Variants in DIAPH2 observed in about 807,000 individuals in gnomAD.
The protein encoded by DIAPH2 is protein diaphanous homolog 2.
DIAPH2 carries 35 observed loss-of-function variants against 92.7 expected under a neutral mutation model. The ratio of observed to expected loss-of-function variants is 0.38; its 90% CI spans 0.29 to 0.50. The LOEUF is 0.50. DIAPH2 is among the 20% of genes least tolerant of loss of function. The pLI, the probability that DIAPH2 is intolerant of heterozygous loss-of-function variation, is 0.94. For synonymous variants in DIAPH2, 301 were observed against 280.4 expected, an observed-to-expected ratio of 1.07 and a Z score of -0.73; for missense variants, 701 against 819.5, an observed-to-expected ratio of 0.86 and a Z score of 1.77.
chrX:97,465,875 A>G (rs2147806010), intron 26 of DIAPH2, among the ~76,000 whole-genome samples: 1 of 111,478 alleles, frequency 9.0e-6, no homozygotes, highest in African/African-American at 3.3e-5. Flanking sequence ...TTTAGTAGAT[A>G]TGGGGTTTCA....
At chrX:97,558,877 CAGTT>C (rs758604416) in intron 26 of DIAPH2, among the ~76,000 whole-genome samples, 24 of 111,671 alleles carry the variant, frequency 2.1e-4, no homozygotes, top group South Asian at 1.9e-3. Flanking sequence ...TATCTGTACA[CAGTT>C]AGTTAGGAAT....
chrX:97,342,114 T>A lies in DIAPH2; in HGVS notation c.2845-6002T>A, dbSNP rs779788141. Among the ~76,000 whole-genome samples the A allele has an allele frequency of 4.8e-4, 54 of 112,541 alleles. 1 individual carries two copies. The highest frequency in any genetic ancestry group is 4.4e-3 in the Admixed American group (47 of 10,575). ...AATATGATTGAAGCCAACCTTGTTA[T>A]TAAAATGTATTTAAGATGTTCAGAT... On this transcript the variant is annotated intron_variant, in intron 23 of 26. Transcript: ENST00000324765.
intron 26 of DIAPH2, among the ~76,000 whole-genome samples, chrX:97,466,628 A>G (rs2070515104): frequency 8.9e-6 from 1 of 112,085 alleles, no homozygotes; most frequent in Non-Finnish European, 1.9e-5. Context: ...TTTTAGAGGA[A>G]AAACACCTTG....
chrX:97,235,433 A>C (rs752788513), intron 22 of DIAPH2, among the ~76,000 whole-genome samples: 1 of 109,440 alleles, frequency 9.1e-6, no homozygotes, highest in East Asian at 2.9e-4. Context: ...GTGAAACCCC[A>C]TCTCTACTCA....
At chrX:97,228,264 C>T (rs189863151) in intron 22 of DIAPH2, among the ~76,000 whole-genome samples, 3 of 111,287 alleles carry the variant, frequency 2.7e-5, no homozygotes, top group East Asian at 2.8e-4. Flanking sequence ...AGCAGGTGCA[C>T]GCAGCAAATC....
chrX:96,787,311 A>C (rs1165850839), intron 4 of DIAPH2, among the ~76,000 whole-genome samples: 5 of 111,621 alleles, frequency 4.5e-5, no homozygotes, highest in African/African-American at 1.6e-4. Flanking sequence ...GGAACCAATA[A>C]ATGGATTTTG....
intron 12 of DIAPH2, among the ~76,000 whole-genome samples, chrX:96,939,703 C>T (rs1417983997): frequency 7.0e-5 from 3 of 42,714 alleles, no homozygotes; most frequent in South Asian, 1.6e-3. Context: ...TTCGCTCTGT[C>T]GCCCAGGCTG....
chrX:97,395,014 C>G (rs2069691995), intron 25 of DIAPH2, among the ~76,000 whole-genome samples: 1 of 111,704 alleles, frequency 9.0e-6, no homozygotes, highest in Admixed American at 9.6e-5. Context: ...CAGCATCAAC[C>G]TCGTAGGATT....
chrX:97,176,375 G>C (rs1222838687), intron 22 of DIAPH2, among the ~76,000 whole-genome samples: 1 of 111,466 alleles, frequency 9.0e-6, no homozygotes, highest in East Asian at 2.8e-4. Flanking sequence ...TTTCCTATTA[G>C]TGATTAATGT....
At chrX:96,734,897 T>C (rs1191469150) in intron 1 of DIAPH2, among the ~76,000 whole-genome samples, 2 of 111,034 alleles carry the variant, frequency 1.8e-5, no homozygotes, top group African/African-American at 3.3e-5. Context: ...ATTATTCAGC[T>C]TCTGTTGTAA....
chrX:97,149,268 T>C (rs913267411), intron 22 of DIAPH2, among the ~76,000 whole-genome samples: 4 of 111,845 alleles, frequency 3.6e-5, no homozygotes, highest in African/African-American at 1.3e-4. Context: ...TGAGTTATAA[T>C]CTAACTTTTT....
At chrX:97,396,841 C>T (rs924001136) in intron 25 of DIAPH2, among the ~76,000 whole-genome samples, 22 of 111,362 alleles carry the variant, frequency 2.0e-4, no homozygotes, top group Non-Finnish European at 3.8e-4. Context: ...TAACTATCAG[C>T]CTTTCTCCCT....
chrX:97,108,887 GA>G (rs2066960473), intron 20 of DIAPH2, among the ~76,000 whole-genome samples: 1 of 111,155 alleles, frequency 9.0e-6, no homozygotes, highest in Admixed American at 9.6e-5. Context: ...GGGTTTGGGG[GA>G]AAAGATAAGG....
At chrX:97,549,720 G>T (rs1300589424) in intron 26 of DIAPH2, among the ~76,000 whole-genome samples, 4 of 111,190 alleles carry the variant, frequency 3.6e-5, no homozygotes, top group African/African-American at 9.8e-5. Flanking sequence ...CCCACATGTT[G>T]CATTTAGTTA....
intron 26 of DIAPH2, among the ~76,000 whole-genome samples, chrX:97,551,529 G>A (rs1480735689): frequency 1.8e-5 from 2 of 108,442 alleles, no homozygotes; most frequent in Admixed American, 2.0e-4. Context: ...GGTGGAGGTT[G>A]TAGTGAGCCG....
Position 97,114,707 on chromosome X carries a change from G to T in DIAPH2, c.2350-19G>T. 3 of 1,188,315 alleles carry T rather than the reference G, an allele frequency of 2.5e-6. No individual in the cohort carries two copies. In the South Asian group the frequency reaches 5.8e-5, roughly 23 times the overall value. Reference sequence around the variant, plus strand: ...AGGCATTAAATGTATATTCTCATAGGGTATTTCTTATCTTACAGATGAGCT... The same window carrying T: ...AGGCATTAAATGTATATTCTCATAGTGTATTTCTTATCTTACAGATGAGCT... On this transcript the variant is annotated intron_variant, in intron 20 of 26. Coordinates refer to ENST00000324765, the MANE Select transcript of DIAPH2 (RefSeq NM_006729.5).
chrX:97,356,887 A>G (rs894318434), intron 24 of DIAPH2, among the ~76,000 whole-genome samples: 1 of 111,999 alleles, frequency 8.9e-6, no homozygotes, highest in East Asian at 2.8e-4. Flanking sequence ...TTTTCTAAAA[A>G]TATTTATAAA....
chrX:97,168,808 C>A (rs764708095), intron 22 of DIAPH2, among the ~76,000 whole-genome samples: 103 of 112,149 alleles, frequency 9.2e-4, no homozygotes, highest in Non-Finnish European at 1.6e-3. Flanking sequence ...CTGTTTTATG[C>A]ATGGCCGCTT....
intron 26 of DIAPH2, among the ~76,000 whole-genome samples, chrX:97,516,776 C>T (rs1232444826): frequency 8.9e-6 from 1 of 112,117 alleles, no homozygotes. Context: ...GGCTGGAGGG[C>T]AGTGGTGCAG....
Sources: allele counts gnomAD v4.1 joint callset (sites outside exome capture counted in the v4.1 genomes callset), GRCh38; gene constraint gnomAD v4.1.1; transcripts MANE v1.5; gene names NCBI Gene and HGNC (gene_info 2026-07-23, HGNC 2026-07-21).